Variants in PPFIA4 observed in about 807,000 individuals in gnomAD.
PPFIA4 encodes the protein liprin-alpha-4.
A neutral mutation model predicts 145.7 loss-of-function variants in PPFIA4; 98 were observed. That is an observed-to-expected ratio of 0.67 (90% CI 0.57 to 0.80). The LOEUF (loss-of-function observed/expected upper bound fraction) is 0.80. PPFIA4 is among the 30% of genes least tolerant of loss of function. The pLI is 0.00. For synonymous variants in PPFIA4, 628 were observed against 649.6 expected, an observed-to-expected ratio of 0.97 and a Z score of 0.51; for missense variants, 1,457 against 1,632.7, an observed-to-expected ratio of 0.89 and a Z score of 1.85.
chr1:203,056,213 T>C, intron 17 of PPFIA4, 58 bp downstream of exon 17: 1 of 1,611,690 alleles, frequency 6.2e-7, no homozygotes, highest in East Asian at 2.2e-5. Flanking sequence ...TGCCCTTTCC[T>C]TTCAGCTTCC....
At chr1:203,042,500 A>G (rs1417291691) in intron 2 of PPFIA4, among the ~76,000 whole-genome samples, 10 of 152,198 alleles carry the variant, frequency 6.6e-5, no homozygotes, top group Non-Finnish European at 1.3e-4. Context: ...GCTCCTATGT[A>G]GGTAGGTCCT....
At position 203,075,785 on chromosome 1, in the gene PPFIA4, C is replaced by A; in HGVS notation, c.3574+28C>A. ...GAGTAACAGGCGGGCTGGGCATGGC[C>A]GAGGCCCAGCCGAGCGCGGGCTTCT... On this transcript the variant is annotated intron_variant, in intron 29 of 29. Transcript: ENST00000295706. This position sits in a 1 kb window ranked among gnomAD's most constrained non-coding sequence, Gnocchi z 4.1. The A allele has an allele frequency of 7.4e-7, 1 of 1,351,484 alleles. No homozygotes were observed. The highest frequency in any genetic ancestry group is 1.9e-5 in the South Asian group (1 of 51,608). The allele number at this position is 1,351,484 out of a possible 1,614,324, so 83.7% of individuals were successfully genotyped here.
At chr1:203,032,041 CGTGTGT>C (rs66626205) in intron 1 of PPFIA4, among the ~76,000 whole-genome samples, 4 of 146,350 alleles carry the variant, frequency 2.7e-5, no homozygotes, top group Admixed American at 6.8e-5. Flanking sequence ...TCTGAGAGAA[CGTGTGT>C]GTGTGTGTGT....
rs1229154800 is a variant in PPFIA4 at position 203,038,677 on chromosome 1, C to T, written c.-332C>T. ...TGGGACTCTGCCAGCCTCCGGCACT[C>T]AGTCTAAGAGAAGGGCCATCTTCCA... On this transcript the variant is annotated 5_prime_UTR_variant, in exon 2 of 30. Transcript: ENST00000295706. The T allele has an allele frequency of 5.3e-6, 1 of 189,272 alleles. No individual in the cohort carries two copies. Among genetic ancestry groups the T allele is most frequent in the East Asian group, 1.6e-4 (1 of 6,400 alleles). 11.7% of individuals were successfully genotyped at this position (189,272 alleles called of 1,614,324 possible).
Position 203,068,751 on chromosome 1 carries a change from G to A in PPFIA4, c.3324+123G>A. On this transcript the variant is annotated intron_variant, in intron 27 of 29. Transcript: ENST00000295706. The surrounding 1 kb of genome is among the most constrained non-coding windows in gnomAD (Gnocchi z 4.7). ...GGTGGGGAGCTTTTCTAGGGCCTATGCCAGAGGGGATCGCAATGTCCTCAA... is the reference window on the plus strand; with the variant it reads ...GGTGGGGAGCTTTTCTAGGGCCTATACCAGAGGGGATCGCAATGTCCTCAA... 1 of 1,022,976 alleles carries A rather than the reference G, an allele frequency of 9.8e-7. No homozygotes were observed. The highest frequency in any genetic ancestry group is 1.3e-6 in the Non-Finnish European group (1 of 746,028). The allele number at this position is 1,022,976 out of a possible 1,614,324, so 63.4% of individuals were successfully genotyped here. A position where few individuals can be genotyped will look rare whatever the true frequency, so the allele number is the denominator to read the frequency against.
intron 23 of PPFIA4, 186 bp downstream of exon 23, chr1:203,061,218 A>G: frequency 1.6e-6 from 1 of 625,776 alleles, no homozygotes; most frequent in Non-Finnish European, 2.8e-6. Flanking sequence ...CTGGGAGCGG[A>G]GCAGTTTGTA....
chr1:203,029,383 AC>A (rs1175570048), intron 1 of PPFIA4, among the ~76,000 whole-genome samples: 1 of 152,208 alleles, frequency 6.6e-6, no homozygotes, highest in Non-Finnish European at 1.5e-5. Flanking sequence ...AGAAGCTGCC[AC>A]CAGTTAATTC....
chr1:203,029,646 G>T (rs1658676799), intron 1 of PPFIA4, among the ~76,000 whole-genome samples: 1 of 152,230 alleles, frequency 6.6e-6, no homozygotes, highest in African/African-American at 2.4e-5. Context: ...TGAGTTCCAT[G>T]AAGCAGGGCC....
At position 203,063,830 on chromosome 1, in the gene PPFIA4, C is replaced by T; in HGVS notation, c.2877C>T (p.Thr959=). The change falls in exon 25 of 30, where the codon ACC becomes ACT. Residue 959 remains threonine, a splice_region_variant and synonymous_variant. Transcript: ENST00000295706. ...TDSEEGSWAQ[T]LAYGDMNHEW... ...CCTCCTGCATCTCATTTCCCTAGAC[C>T]CTGGCCTATGGGGACATGAACCATG... 6.2e-7 allele frequency: 1 copy of T among 1,613,934 alleles called. No homozygotes were observed. The highest frequency in any genetic ancestry group is 8.5e-7 in the Non-Finnish European group (1 of 1,179,884).
chr1:203,075,600 C>A lies in PPFIA4; in HGVS notation c.3417C>A (p.Arg1139=). The stretch of plus-strand genomic sequence containing the variant: ...AGGGGGATGACAAGGTGTTTCGCCG[C>A]GCGCCCTCCTGGAGGAAGCGCTTCC... ...LDDGDDKVFR[R]APSWRKRFRP... The change falls in exon 29 of 30, where the codon CGC becomes CGA. Residue 1139 remains arginine (R), a synonymous_variant. Coordinates refer to ENST00000295706, the MANE Select transcript of PPFIA4 (RefSeq NM_001304331.2). The surrounding 1 kb of genome is among the most constrained non-coding windows in gnomAD (Gnocchi z 4.1). 1 of 1,463,610 alleles carries A rather than the reference C, an allele frequency of 6.8e-7. No homozygotes were observed. The highest frequency in any genetic ancestry group is 9.1e-7 in the Non-Finnish European group (1 of 1,104,732). 90.7% of individuals were successfully genotyped at this position (1,463,610 alleles called of 1,614,324 possible). A position where few individuals can be genotyped will look rare whatever the true frequency, so the allele number is the denominator to read the frequency against.
At position 203,075,153 on chromosome 1, in the gene PPFIA4, A is replaced by G. The variant is rs1662432140; in HGVS notation, c.3394-424A>G. On this transcript the variant is annotated intron_variant, in intron 28 of 29. Coordinates refer to ENST00000295706, the MANE Select transcript of PPFIA4 (RefSeq NM_001304331.2). This position sits in a 1 kb window ranked among gnomAD's most constrained non-coding sequence, Gnocchi z 4.1. The stretch of plus-strand genomic sequence containing the variant: ...GTACTCTTCTGGTATACTGGGCTAC[A>G]GCCATTCGGAGGCCCCAGAAGGACA... Among the ~76,000 whole-genome samples the G allele has an allele frequency of 6.6e-6, 1 of 152,130 alleles. No individual in the cohort carries two copies. Among genetic ancestry groups the G allele is most frequent in the African/African-American group, 2.4e-5 (1 of 41,410 alleles).
rs1661558586 is a variant in PPFIA4, at chr1:203,063,887, G to A, written c.2934G>A (p.Leu978=). 1 of 1,613,946 alleles carries A rather than the reference G, an allele frequency of 6.2e-7. No individual in the cohort carries two copies. The highest frequency in any genetic ancestry group is 8.5e-7 in the Non-Finnish European group (1 of 1,179,918). Residue 978 remains leucine (L), a synonymous_variant, in exon 25 of 30, where the codon CTG becomes CTA. Coordinates refer to ENST00000295706, the MANE Select transcript of PPFIA4 (RefSeq NM_001304331.2). ...EWIGNEWLPS[L]GLPQYRSYFM... is the part of the protein sequence containing the mutation. The stretch of plus-strand genomic sequence containing the variant: ...TTGGGAATGAATGGCTACCCAGCCT[G>A]GGGCTCCCGCAGTACCGCAGCTACT...
chr1:203,045,255 C>A, intron 6 of PPFIA4, 113 bp from the exon 7 acceptor site: 1 of 948,038 alleles, frequency 1.1e-6, no homozygotes, highest in Non-Finnish European at 1.6e-6. Flanking sequence ...ATGTTGGGGG[C>A]AGAGCCTTGA....
intron 1 of PPFIA4, among the ~76,000 whole-genome samples, chr1:203,036,661 C>T (rs1055403638): frequency 2.0e-5 from 3 of 152,162 alleles, no homozygotes; most frequent in Non-Finnish European, 4.4e-5. Context: ...GGTGGAGGGA[C>T]CTGGGCATGG....
chr1:203,039,599 G>C (rs1659558513), intron 2 of PPFIA4, among the ~76,000 whole-genome samples: 1 of 152,204 alleles, frequency 6.6e-6, no homozygotes, highest in Non-Finnish European at 1.5e-5. Context: ...AGACAGTAGA[G>C]ATGGGTGAGT....
At chr1:203,027,530 G>A (rs889945377) in intron 1 of PPFIA4, among the ~76,000 whole-genome samples, 3 of 152,142 alleles carry the variant, frequency 2.0e-5, no homozygotes, top group Non-Finnish European at 4.4e-5. Context: ...TCTGTGTGGA[G>A]AGCAAGTGGT....
intron 1 of PPFIA4, chr1:203,037,116 G>T: frequency 6.7e-6 from 2 of 299,332 alleles, no homozygotes; most frequent in South Asian, 2.5e-5. Context: ...ACTTTCCTCA[G>T]ATCTAGACCC....
At chr1:203,042,472 AG>A (rs1188861219) in intron 2 of PPFIA4, among the ~76,000 whole-genome samples, 1 of 152,166 alleles carries the variant, frequency 6.6e-6, no homozygotes, top group Non-Finnish European at 1.5e-5. Context: ...CTGACTGGGC[AG>A]GTCTGCATAC....
At chr1:203,044,619 G>A in intron 5 of PPFIA4, 77 bp from the exon 6 acceptor site, 1 of 1,442,014 alleles carries the variant, frequency 6.9e-7, no homozygotes, top group Non-Finnish European at 9.3e-7. Flanking sequence ...AACTAAGACA[G>A]GGGCTTTGGA....
Sources: gnomAD v4.1 joint callset for allele counts (sites outside exome capture counted in the v4.1 genomes callset) on GRCh38, gnomAD v4.1.1 for gene constraint, Gnocchi (gnomAD v3.1) non-coding constraint, MANE v1.5 for transcripts, NCBI Gene and HGNC (gene_info 2026-07-23, HGNC 2026-07-21) for gene names.